The following ZNF799 variants were observed in gnomAD, a reference collection of about 807,000 sequenced individuals.
ZNF799 encodes the protein zinc finger protein 14.
ZNF799 carries 28 observed loss-of-function variants against 41.0 expected under a neutral mutation model. The observed-to-expected ratio is 0.68, with a 90% CI of 0.51 to 0.94. The LOEUF (loss-of-function observed/expected upper bound fraction) is 0.94. ZNF799 is among the 40% of genes least tolerant of loss of function. The probability of loss-of-function intolerance (pLI) is 0.00; values close to 1 mark genes in which losing one functional copy is unlikely to be tolerated. For synonymous variants in ZNF799, 213 were observed against 252.9 expected (o/e 0.84, Z 1.50); for missense variants, 716 against 764.3 (o/e 0.94, Z 0.74).
the ZNF799 span, among the ~76,000 whole-genome samples, chr19:12,414,449 A>G: frequency 6.6e-6 from 1 of 152,046 alleles, no homozygotes; most frequent in African/African-American, 2.4e-5. Flanking sequence ...ATCCCAGACC[A>G]CTGTCCAGTG....
chr19:12,396,254 A>T (rs533598449), intron 1 of ZNF799, among the ~76,000 whole-genome samples: 2 of 152,276 alleles, frequency 1.3e-5, no homozygotes, highest in African/African-American at 2.4e-5. Flanking sequence ...AAAAACGTTA[A>T]AACAACTATC....
chr19:12,410,172 T>TAC, the ZNF799 span, among the ~76,000 whole-genome samples: 1 of 123,550 alleles, frequency 8.1e-6, no homozygotes, highest in Non-Finnish European at 1.7e-5. Flanking sequence ...CAAATATATA[T>TAC]ATATACATAC....
At chr19:12,414,972 G>A in the ZNF799 span, among the ~76,000 whole-genome samples, 1 of 152,078 alleles carries the variant, frequency 6.6e-6, no homozygotes, top group Non-Finnish European at 1.5e-5. Flanking sequence ...CGAATTAAAC[G>A]CTCCAATCAA....
At chr19:12,410,528 G>C in the ZNF799 span, among the ~76,000 whole-genome samples, 1 of 151,866 alleles carries the variant, frequency 6.6e-6, no homozygotes, top group Non-Finnish European at 1.5e-5. Context: ...TAAAATCAAT[G>C]CTCCATTTTG....
the ZNF799 span, among the ~76,000 whole-genome samples, chr19:12,414,183 C>G: frequency 6.6e-6 from 1 of 151,372 alleles, no homozygotes. Flanking sequence ...CCCCACGTCC[C>G]TGATTGAGTA....
At chr19:12,392,577 A>G (rs1434226030) in intron 3 of ZNF799, 26 bp downstream of exon 3, 1 of 1,556,198 alleles carries the variant, frequency 6.4e-7, no homozygotes, top group South Asian at 1.1e-5. Context: ...CCAGGGACAT[A>G]TCTTTCTCTT....
rs370871446 is a variant in ZNF799, at chr19:12,391,969, A to T, written c.429T>A (p.His143Gln). ...AACTGAAGGCTTTCCCACGTTGTTT[A>T]TGCGTATCTGGCTTCTCTCCACATT... Reference protein sequence around the residue: ...YHECGEKPDTHKQRGKAFSYH... With the variant: ...YHECGEKPDTQKQRGKAFSYH... Residue 143 changes from histidine (H) to glutamine (Q), a missense_variant, in exon 4 of 4, where the codon CAT (histidine) becomes CAA (glutamine). This residue lies in a region of ZNF799 where 698 missense variants were observed against 713.6 expected (regional missense o/e 0.98). Coordinates refer to ENST00000430385, the MANE Select transcript of ZNF799 (RefSeq NM_001080821.3). The T allele has an allele frequency of 6.2e-7, 1 of 1,614,074 alleles. No homozygotes were observed. Among genetic ancestry groups the T allele is most frequent in the East Asian group, 2.2e-5 (1 of 44,898 alleles).
At chr19:12,394,054 T>TA (rs1969862349) in intron 1 of ZNF799, 1 of 153,260 alleles carries the variant, frequency 6.5e-6, no homozygotes, top group African/African-American at 2.4e-5. Context: ...CACTGAATGT[T>TA]AATCTCCAAA....
At chr19:12,401,569 C>CGAGAGAGA (rs142456121), upstream of ZNF799, among the ~76,000 whole-genome samples, 67 of 78,458 alleles carry the variant, frequency 8.5e-4, no homozygotes, top group African/African-American at 3.5e-3. Flanking sequence ...TTTTTTTTTC[C>CGAGAGAGA]GAGAGAGAGA....
At chr19:12,399,545 G>A (rs1422041836) in intron 1 of ZNF799, among the ~76,000 whole-genome samples, 1 of 150,108 alleles carries the variant, frequency 6.7e-6, no homozygotes, top group Non-Finnish European at 1.5e-5. Flanking sequence ...TTGCTCCCCA[G>A]GGGGCCACAC....
intron 1 of ZNF799, chr19:12,394,734 T>C: frequency 3.0e-6 from 3 of 985,032 alleles, no homozygotes; most frequent in Non-Finnish European, 3.6e-6. Context: ...TTTATAATAC[T>C]TACTAAGAAA....
At chr19:12,414,247 G>C in the ZNF799 span, among the ~76,000 whole-genome samples, 2 of 152,096 alleles carry the variant, frequency 1.3e-5, no homozygotes, top group Non-Finnish European at 2.9e-5. Context: ...GGTATCTCTT[G>C]GTGCTGAGTG....
chr19:12,401,569 C>CGAGAAAGAGAGAGA (rs1969987521), upstream of ZNF799, among the ~76,000 whole-genome samples: 3 of 78,458 alleles, frequency 3.8e-5, no homozygotes, highest in African/African-American at 1.6e-4. Flanking sequence ...TTTTTTTTTC[C>CGAGAAAGAGAGAGA]GAGAGAGAGA....
chr19:12,394,942 A>G, intron 1 of ZNF799: 1 of 922,864 alleles, frequency 1.1e-6, no homozygotes, highest in South Asian at 5.0e-5. Flanking sequence ...CTGGTAGAAA[A>G]GTCTTGTGGA....
chr19:12,408,231 C>A, the ZNF799 span, among the ~76,000 whole-genome samples: 1 of 152,070 alleles, frequency 6.6e-6, no homozygotes, highest in Non-Finnish European at 1.5e-5. Flanking sequence ...TCTACTTACT[C>A]TACTTCCATT....
chr19:12,413,947 G>A, the ZNF799 span, among the ~76,000 whole-genome samples: 16 of 152,278 alleles, frequency 1.1e-4, no homozygotes, highest in South Asian at 8.3e-4. Context: ...CCCCTAGGCC[G>A]TGCACACGCA....
the ZNF799 span, among the ~76,000 whole-genome samples, chr19:12,413,894 T>C: frequency 6.6e-6 from 1 of 152,154 alleles, no homozygotes; most frequent in African/African-American, 2.4e-5. Context: ...CTGCCCCAGC[T>C]GGTAACAGCT....
intron 1 of ZNF799, chr19:12,394,629 A>AC (rs1439544257): frequency 1.0e-6 from 1 of 985,434 alleles, no homozygotes; most frequent in Non-Finnish European, 1.2e-6. Context: ...CAAAGGAAAA[A>AC]TTTTAAACAT....
At chr19:12,396,531 C>A (rs1969896424) in intron 1 of ZNF799, among the ~76,000 whole-genome samples, 1 of 152,206 alleles carries the variant, frequency 6.6e-6, no homozygotes, top group Non-Finnish European at 1.5e-5. Flanking sequence ...CGCCTGTAAT[C>A]CCAGCTACTT....
Sources: allele counts gnomAD v4.1 joint callset (sites outside exome capture counted in the v4.1 genomes callset), GRCh38; gene constraint gnomAD v4.1.1; regional missense constraint gnomAD v4.1.1; transcripts MANE v1.5; gene names NCBI Gene and HGNC (gene_info 2026-07-23, HGNC 2026-07-21).